ITGA2: variants seen among roughly 807,000 people sequenced by gnomAD.
ITGA2 encodes integrin alpha-2.
A neutral mutation model predicts 146.3 loss-of-function variants in ITGA2; 101 were observed. That is an observed-to-expected ratio of 0.69 (90% CI 0.59 to 0.81). The LOEUF (loss-of-function observed/expected upper bound fraction) is 0.81, where lower values mean the gene tolerates loss of function less well. Among genes scored for constraint, ITGA2 ranks in the 40% least tolerant of loss-of-function variants. The pLI is 0.00. For synonymous variants in ITGA2, 477 were observed against 487.1 expected (o/e 0.98, Z 0.27); for missense variants, 1,281 against 1,402.7 (o/e 0.91, Z 1.39).
At chr5:53,036,481 G>A (rs1743498668) in intron 2 of ITGA2, among the ~76,000 whole-genome samples, 1 of 152,128 alleles carries the variant, frequency 6.6e-6, no homozygotes, top group African/African-American at 2.4e-5. Context: ...CAGGGCTTTT[G>A]CATTTGCTGT....
Position 53,073,163 on chromosome 5 carries a change from T to G in ITGA2, c.2475T>G (p.Phe825Leu). 6.2e-7 allele frequency: 1 copy of G among 1,612,480 alleles called. No individual in the cohort carries two copies. The highest frequency in any genetic ancestry group is 8.5e-7 in the Non-Finnish European group (1 of 1,178,948). ...IVSNQNKRLT[F>L]SVTLKNKRES... ...GCAACCAAAACAAAAGGTTAACATT[T>G]TCAGTAACGCTGAAAAATAAAAGGG... Residue 825 changes from phenylalanine to leucine, a missense_variant, in exon 20 of 30, where the codon TTT (phenylalanine) becomes TTG (leucine). Phe to Leu is a conservative substitution (Grantham distance 22, BLOSUM62 0). This residue lies in a region of ITGA2 where 475 missense variants were observed against 530.5 expected (regional missense o/e 0.90). Transcript: ENST00000296585.
intron 4 of ITGA2, among the ~76,000 whole-genome samples, chr5:53,047,159 CTG>C (rs1744129571): frequency 6.6e-6 from 1 of 152,148 alleles, no homozygotes. Context: ...GACAGTTAAA[CTG>C]GGTCAAATAA....
chr5:53,090,369 G>T, intron 29 of ITGA2, 150 bp from the exon 30 acceptor site: 2 of 723,698 alleles, frequency 2.8e-6, no homozygotes, highest in Non-Finnish European at 2.5e-6. Flanking sequence ...CTAGCAGGTG[G>T]TAGATATCAG....
intron 28 of ITGA2, among the ~76,000 whole-genome samples, chr5:53,088,667 C>CAG (rs938305102): frequency 8.3e-6 from 1 of 120,222 alleles, no homozygotes; most frequent in Non-Finnish European, 1.6e-5. Flanking sequence ...GCCTGTATAA[C>CAG]AGAGAGAGAC....
intron 1 of ITGA2, among the ~76,000 whole-genome samples, chr5:52,994,640 CT>C (rs1420644809): frequency 6.6e-6 from 1 of 152,116 alleles, no homozygotes; most frequent in Non-Finnish European, 1.5e-5. Flanking sequence ...TGGAGTTAGC[CT>C]TATGGAAAGA....
intron 20 of ITGA2, 117 bp downstream of exon 20, chr5:53,073,376 G>A (rs888372043): frequency 8.1e-6 from 9 of 1,113,508 alleles, no homozygotes; most frequent in Non-Finnish European, 1.2e-5. Context: ...TGATCAATCT[G>A]AACTTTGTGG....
chr5:53,056,104 C>T lies in ITGA2; in HGVS notation c.1051C>T (p.Leu351=), dbSNP rs776634210. 12 of 1,611,906 alleles carry T rather than the reference C, an allele frequency of 7.4e-6. No homozygotes were observed. The highest frequency in any genetic ancestry group is 2.7e-5 in the African/African-American group (2 of 74,798). The part of the protein sequence containing the change: ...FFNVSDEAAL[L]EKAGTLGEQI... ...CAATGTGTCTGATGAAGCAGCTCTA[C>T]TAGAAAAGGCTGGGACATTAGGAGA... The change falls in exon 9 of 30, where the codon CTA becomes TTA. Residue 351 remains leucine, a synonymous_variant. Coordinates refer to ENST00000296585, the MANE Select transcript of ITGA2 (RefSeq NM_002203.4).
chr5:53,010,994 G>A (rs1463607973), intron 1 of ITGA2, among the ~76,000 whole-genome samples: 2 of 152,124 alleles, frequency 1.3e-5, no homozygotes, highest in Non-Finnish European at 2.9e-5. Context: ...GCAGACACAA[G>A]TTAAGGAATG....
At chr5:53,054,151 T>G (rs1438410960) in intron 7 of ITGA2, among the ~76,000 whole-genome samples, 3 of 152,192 alleles carry the variant, frequency 2.0e-5, no homozygotes, top group Admixed American at 6.5e-5. Context: ...CTCATATGTT[T>G]AAGATTCTGT....
At chr5:53,039,740 A>AG (rs1743689547) in intron 2 of ITGA2, among the ~76,000 whole-genome samples, 1 of 73,068 alleles carries the variant, frequency 1.4e-5, no homozygotes, top group African/African-American at 3.8e-5. Flanking sequence ...ACTCCATCTC[A>AG]AAAAAAAAAA....
At chr5:53,080,431 A>T in intron 24 of ITGA2, 80 bp from the exon 25 acceptor site, 1 of 1,116,704 alleles carries the variant, frequency 9.0e-7, no homozygotes, top group South Asian at 1.2e-5. Flanking sequence ...GTTGCCCTTC[A>T]TCAACACGGG....
At chr5:52,991,216 C>T (rs984757973) in intron 1 of ITGA2, among the ~76,000 whole-genome samples, 1 of 152,128 alleles carries the variant, frequency 6.6e-6, no homozygotes, top group Non-Finnish European at 1.5e-5. Flanking sequence ...ACTCAAGGAA[C>T]AGGTTTTCTC....
chr5:53,047,349 A>C (rs187668187), intron 4 of ITGA2, among the ~76,000 whole-genome samples: 3 of 152,086 alleles, frequency 2.0e-5, no homozygotes, highest in African/African-American at 7.2e-5. Context: ...TATTTAATCT[A>C]ATGTTTCTTG....
chr5:53,074,311 T>C, intron 20 of ITGA2, 74 bp from the exon 21 acceptor site: 2 of 1,164,682 alleles, frequency 1.7e-6, no homozygotes, highest in Non-Finnish European at 2.6e-6. Flanking sequence ...CTGTACCTCT[T>C]TTACCAGGTG....
chr5:53,025,450 A>G (rs1157142508), intron 1 of ITGA2, among the ~76,000 whole-genome samples: 1 of 152,214 alleles, frequency 6.6e-6, no homozygotes, highest in Non-Finnish European at 1.5e-5. Flanking sequence ...TAAGAAATAA[A>G]AAGCTGAATT....
chr5:53,078,796 A>C lies in ITGA2; in HGVS notation c.2850A>C (p.Glu950Asp), dbSNP rs1200475895. 1 of 1,609,540 alleles carries C rather than the reference A, an allele frequency of 6.2e-7. No individual in the cohort carries two copies. Among genetic ancestry groups the C allele is most frequent in the Non-Finnish European group, 8.5e-7 (1 of 1,176,566 alleles). The change falls in exon 24 of 30, where the codon GAA becomes GAC. Residue 950 changes from glutamate to aspartate, a missense_variant. By Grantham distance (45) the Glu-to-Asp change is conservative. Coordinates refer to ENST00000296585, the MANE Select transcript of ITGA2 (RefSeq NM_002203.4). ...LTRSTNINFY[E>D]ISSDGNVPSI... ...GATCTACCAACATAAATTTTTATGA[A>C]ATCTCTTCGGATGGGAATGTTCCTT... is the stretch of plus-strand genomic sequence containing the variant.
At chr5:53,013,155 T>C (rs770517408) in intron 1 of ITGA2, among the ~76,000 whole-genome samples, 1 of 152,108 alleles carries the variant, frequency 6.6e-6, no homozygotes, top group Non-Finnish European at 1.5e-5. Context: ...TTGGCATCTT[T>C]ATCATGAAAT....
chr5:53,062,691 T>G, intron 12 of ITGA2, 95 bp from the exon 13 acceptor site: 1 of 1,357,002 alleles, frequency 7.4e-7, no homozygotes, highest in Non-Finnish European at 1.1e-6. Flanking sequence ...AAACACTCAA[T>G]TTTTGTGTAT....
chr5:53,013,875 G>A (rs1224082268), intron 1 of ITGA2, among the ~76,000 whole-genome samples: 2 of 151,898 alleles, frequency 1.3e-5, no homozygotes, highest in Non-Finnish European at 2.9e-5. Flanking sequence ...TTTGTGAATG[G>A]GATTATTTTC....
Sources: allele counts gnomAD v4.1 joint callset (sites outside exome capture counted in the v4.1 genomes callset), GRCh38; gene constraint gnomAD v4.1.1; regional missense constraint gnomAD v4.1.1; transcripts MANE v1.5; gene names NCBI Gene and HGNC (gene_info 2026-07-23, HGNC 2026-07-21).